LYSMD1: variants seen among roughly 807,000 people sequenced by gnomAD.
LYSMD1 encodes lysM and putative peptidoglycan-binding domain-containing protein 1.
In LYSMD1, 9 loss-of-function variants were observed where a neutral mutation model predicts 19.3. The observed-to-expected ratio is 0.47, with a 90% CI of 0.28 to 0.81. The LOEUF is 0.81. LYSMD1 is among the 40% of genes least tolerant of loss of function. The pLI, the probability that LYSMD1 is intolerant of heterozygous loss-of-function variation, is 0.11. For synonymous variants in LYSMD1, 111 were observed against 111.7 expected, an observed-to-expected ratio of 0.99 and a Z score of 0.04; for missense variants, 262 against 279.8, an observed-to-expected ratio of 0.94 and a Z score of 0.45.
chr1:151,150,757 C>T, the LYSMD1 span, among the ~76,000 whole-genome samples: 118 of 132,268 alleles, frequency 8.9e-4, 1 homozygote, highest in African/African-American at 3.3e-3. Context: ...TTTTTTGAGA[C>T]AGAGACTCAC....
At chr1:151,163,110 C>T (rs1424407309) in intron 1 of LYSMD1, among the ~76,000 whole-genome samples, 2 of 152,104 alleles carry the variant, frequency 1.3e-5, no homozygotes, top group Non-Finnish European at 2.9e-5. Context: ...ATTCCATGAT[C>T]TTTTTCACAC....
intron 2 of LYSMD1, among the ~76,000 whole-genome samples, chr1:151,161,224 G>A (rs901439344): frequency 3.3e-5 from 5 of 152,344 alleles, no homozygotes; most frequent in South Asian, 2.1e-4. Flanking sequence ...TCAGCTGGCC[G>A]CTGTGGCTCA....
the LYSMD1 span, among the ~76,000 whole-genome samples, chr1:151,150,403 AG>A: frequency 1.3e-5 from 2 of 152,132 alleles, no homozygotes; most frequent in Non-Finnish European, 2.9e-5. Context: ...TTCATAACTA[AG>A]CTTCTAGAGT....
chr1:151,160,645 A>C lies in LYSMD1; in HGVS notation c.*237T>G. ...ATATAAAAAGAGCCTTTTGAGTCTA[A>C]AGGACTCAACTCTAGATTCAGCCCA... is the stretch of plus-strand genomic sequence containing the variant. On this transcript the variant is annotated 3_prime_UTR_variant, in exon 3 of 3. Coordinates refer to ENST00000368908, the MANE Select transcript of LYSMD1 (RefSeq NM_212551.5). The C allele has an allele frequency of 2.6e-6, 1 of 387,488 alleles. No individual in the cohort carries two copies. Among genetic ancestry groups the C allele is most frequent in the African/African-American group, 2.0e-5 (1 of 49,708 alleles). The allele number at this position is 387,488 out of a possible 1,614,324, so 24.0% of individuals were successfully genotyped here.
chr1:151,151,863 A>C, the LYSMD1 span, among the ~76,000 whole-genome samples: 2 of 148,724 alleles, frequency 1.3e-5, no homozygotes, highest in Admixed American at 1.4e-4. Flanking sequence ...CGGGAGGTGG[A>C]GGTTGCCATG....
intron 1 of LYSMD1, 99 bp downstream of exon 1, chr1:151,164,979 AG>A: frequency 3.0e-6 from 3 of 985,082 alleles, no homozygotes; most frequent in Non-Finnish European, 3.1e-6. Context: ...GCAACACATT[AG>A]GAACATTTCA....
At chr1:151,158,850 C>A (rs777448308), downstream of LYSMD1, 44 of 1,614,086 alleles carry the variant, frequency 2.7e-5, no homozygotes, top group Middle Eastern at 1.6e-4. Context: ...AGTACACGCA[C>A]AGCCGGCCCC....
chr1:151,163,277 C>T (rs1223948450), intron 1 of LYSMD1, among the ~76,000 whole-genome samples: 3 of 151,254 alleles, frequency 2.0e-5, no homozygotes, highest in East Asian at 1.9e-4. Flanking sequence ...TAATACATAA[C>T]CCTACTATAA....
downstream of LYSMD1, chr1:151,158,677 A>G (rs1301382809): frequency 6.4e-7 from 1 of 1,554,408 alleles, no homozygotes; most frequent in Non-Finnish European, 8.7e-7. Context: ...GACTGACCAC[A>G]TACCCCACTC....
downstream of LYSMD1, among the ~76,000 whole-genome samples, chr1:151,155,486 A>G (rs926374292): frequency 2.6e-5 from 4 of 152,182 alleles, no homozygotes; most frequent in African/African-American, 9.7e-5. Context: ...CTGTAATCCC[A>G]ACACTTTGGG....
chr1:151,156,618 T>C (rs1683230524), downstream of LYSMD1: 1 of 152,164 alleles, frequency 6.6e-6, no homozygotes. Flanking sequence ...TAGGCGGGGC[T>C]CAAGGGGTGG....
At chr1:151,162,230 A>G in intron 1 of LYSMD1, 130 bp from the exon 2 acceptor site, 15 of 875,070 alleles carry the variant, frequency 1.7e-5, no homozygotes, top group Non-Finnish European at 2.5e-5. Context: ...AAGGGCTGAC[A>G]TTATTTCTAT....
At chr1:151,159,445 G>C (rs1343833938), downstream of LYSMD1, 2 of 601,732 alleles carry the variant, frequency 3.3e-6, no homozygotes, top group East Asian at 2.9e-5. Context: ...ATGCTGAGGG[G>C]TGAGGCCTCT....
At chr1:151,155,567 C>T (rs188641238), downstream of LYSMD1, among the ~76,000 whole-genome samples, 1 of 151,310 alleles carries the variant, frequency 6.6e-6, no homozygotes, top group Admixed American at 6.6e-5. Flanking sequence ...CTCCTCTCTA[C>T]AAAAAAAAGG....
At chr1:151,158,881 G>A (rs1459783737), downstream of LYSMD1, 1 of 1,614,222 alleles carries the variant, frequency 6.2e-7, no homozygotes. Flanking sequence ...CGTGATCAAG[G>A]ACCTGATCAA....
At chr1:151,153,155 A>G in the LYSMD1 span, among the ~76,000 whole-genome samples, 2 of 152,244 alleles carry the variant, frequency 1.3e-5, no homozygotes, top group Non-Finnish European at 2.9e-5. Flanking sequence ...AAGATCCTGT[A>G]GGTGAAACAT....
At chr1:151,151,859 G>A in the LYSMD1 span, among the ~76,000 whole-genome samples, 1 of 151,016 alleles carries the variant, frequency 6.6e-6, no homozygotes, top group African/African-American at 2.4e-5. Flanking sequence ...AACCCGGGAG[G>A]TGGAGGTTGC....
chr1:151,165,497 G>A lies in LYSMD1; in HGVS notation c.-239C>T, dbSNP rs1683649444. On this transcript the variant is annotated 5_prime_UTR_variant, in exon 1 of 3. Coordinates refer to ENST00000368908, the MANE Select transcript of LYSMD1 (RefSeq NM_212551.5). ...CAGTCCCTCCCTAATTCTCCCCTAA[G>A]CACCCCTCCGACTTTGGACTCCCCC... 1.4e-6 allele frequency: 2 copies of A among 1,437,462 alleles called. No individual in the cohort carries two copies. The highest frequency in any genetic ancestry group is 1.8e-6 in the Non-Finnish European group (2 of 1,102,028). 89.0% of individuals were successfully genotyped at this position (1,437,462 alleles called of 1,614,324 possible).
chr1:151,151,490 C>T, the LYSMD1 span, among the ~76,000 whole-genome samples: 2 of 150,322 alleles, frequency 1.3e-5, no homozygotes. Context: ...TGAGCCACTG[C>T]GCCCGGCCAC....
Sources: gnomAD v4.1 joint callset for allele counts (sites outside exome capture counted in the v4.1 genomes callset) on GRCh38, gnomAD v4.1.1 for gene constraint, MANE v1.5 for transcripts, NCBI Gene and HGNC (gene_info 2026-07-23, HGNC 2026-07-21) for gene names.